ZBTB2: variants seen among roughly 807,000 people sequenced by gnomAD.
ZBTB2 encodes the protein zinc finger and BTB domain containing 2, also known as zinc finger and BTB domain-containing protein 2.
ZBTB2 carries 2 observed loss-of-function variants against 39.5 expected under a neutral mutation model. That is an observed-to-expected ratio of 0.05 (90% confidence interval 0.02 to 0.16). The LOEUF (loss-of-function observed/expected upper bound fraction) is 0.16, where lower values mean the gene tolerates loss of function less well. Among genes scored for constraint, ZBTB2 ranks in the 10% least tolerant of loss-of-function variants. The pLI, the probability that ZBTB2 is intolerant of heterozygous loss-of-function variation, is 1.00. For missense variants in ZBTB2, 391 were observed against 653.0 expected (o/e 0.60, Z 4.37); for synonymous variants, 251 against 256.6 (o/e 0.98, Z 0.21).
At chr6:151,379,657 A>G (rs918433348) in intron 1 of ZBTB2, among the ~76,000 whole-genome samples, 18 of 151,002 alleles carry the variant, frequency 1.2e-4, no homozygotes, top group African/African-American at 3.1e-4. Context: ...AAAAAAAAAA[A>G]AAAGAAAAAA....
Position 151,386,350 on chromosome 6 carries a change from G to A in ZBTB2, c.-13+5070C>T, listed in dbSNP as rs1474808170. 3.9e-5 allele frequency among the ~76,000 whole-genome samples: 6 copies of A among 152,282 alleles called. No homozygotes were observed. In the East Asian group the frequency reaches 5.8e-4, roughly 15 times the overall value. ...ACTTGAGCCCCGGAGACCAGCCTGC[G>A]CAACATGACGAGACCCTGTCTCTAT... On this transcript the variant is annotated intron_variant, in intron 1 of 2. Transcript: ENST00000325144.
intron 1 of ZBTB2, among the ~76,000 whole-genome samples, chr6:151,387,131 C>A (rs867077760): frequency 3.9e-5 from 6 of 152,142 alleles, no homozygotes; most frequent in African/African-American, 1.2e-4. Flanking sequence ...TGTGGACAGT[C>A]CTCTTTTATA....
At chr6:151,369,833 C>A (rs149892922) in intron 2 of ZBTB2, among the ~76,000 whole-genome samples, 1 of 152,110 alleles carries the variant, frequency 6.6e-6, no homozygotes, top group East Asian at 1.9e-4. Context: ...ATTAGCCGGG[C>A]GTGGTGGTGC....
intron 2 of ZBTB2, among the ~76,000 whole-genome samples, chr6:151,368,631 T>A (rs970725354): frequency 6.6e-6 from 1 of 151,648 alleles, no homozygotes; most frequent in East Asian, 1.9e-4. Flanking sequence ...TTTTTGTGTA[T>A]TTAGTAGGGA....
intron 2 of ZBTB2, among the ~76,000 whole-genome samples, chr6:151,369,666 C>T (rs1778738741): frequency 6.6e-6 from 1 of 151,868 alleles, no homozygotes; most frequent in Admixed American, 6.6e-5. Context: ...CACATGTGCA[C>T]ACATACACTT....
intron 1 of ZBTB2, among the ~76,000 whole-genome samples, chr6:151,377,091 T>C (rs1418506730): frequency 3.3e-5 from 5 of 150,314 alleles, no homozygotes; most frequent in African/African-American, 1.2e-4. Flanking sequence ...AAATATCATA[T>C]ACTGTATGAT....
intron 2 of ZBTB2, among the ~76,000 whole-genome samples, chr6:151,371,698 C>T (rs113882595): frequency 2.0e-5 from 3 of 152,108 alleles, no homozygotes; most frequent in Non-Finnish European, 4.4e-5. Flanking sequence ...TGGGCATCCC[C>T]GGGGTTTCTG....
chr6:151,376,147 C>A (rs1778903572), intron 1 of ZBTB2, among the ~76,000 whole-genome samples: 1 of 152,164 alleles, frequency 6.6e-6, no homozygotes, highest in Non-Finnish European at 1.5e-5. Flanking sequence ...AGAAAAAAGA[C>A]AAAGAACTTT....
intron 1 of ZBTB2, among the ~76,000 whole-genome samples, chr6:151,375,170 G>A (rs981931481): frequency 3.3e-5 from 5 of 151,846 alleles, no homozygotes; most frequent in Non-Finnish European, 1.5e-5. Context: ...ACTAATAAAC[G>A]AGTTTGGCAA....
intron 2 of ZBTB2, among the ~76,000 whole-genome samples, chr6:151,371,430 G>A (rs908672813): frequency 3.9e-5 from 6 of 152,212 alleles, no homozygotes; most frequent in South Asian, 2.1e-4. Flanking sequence ...AAGCGAGGAC[G>A]TGGTCACTGT....
chr6:151,373,870 A>AAAAC (rs1554336608), intron 1 of ZBTB2, among the ~76,000 whole-genome samples: 1,746 of 123,574 alleles, frequency 0.014, 44 homozygotes, highest in Middle Eastern at 0.058. Flanking sequence ...AAAAAAAAAA[A>AAAAC]AAAAAAACCA....
At chr6:151,385,341 A>G (rs941134260) in intron 1 of ZBTB2, among the ~76,000 whole-genome samples, 3 of 152,236 alleles carry the variant, frequency 2.0e-5, no homozygotes, top group Non-Finnish European at 2.9e-5. Flanking sequence ...TTCCTCCTTG[A>G]TAACAGGACA....
chr6:151,373,865 A>AAAAAAAC (rs1562766556), intron 1 of ZBTB2, among the ~76,000 whole-genome samples: 21 of 112,202 alleles, frequency 1.9e-4, no homozygotes, highest in South Asian at 2.9e-4. Context: ...AAAAAAAAAA[A>AAAAAAAC]AAAAAAAAAA....
chr6:151,371,430 G>T (rs908672813), intron 2 of ZBTB2, among the ~76,000 whole-genome samples: 1 of 152,212 alleles, frequency 6.6e-6, no homozygotes, highest in Non-Finnish European at 1.5e-5. Context: ...AAGCGAGGAC[G>T]TGGTCACTGT....
chr6:151,384,590 C>A (rs530822668), intron 1 of ZBTB2, among the ~76,000 whole-genome samples: 202 of 152,314 alleles, frequency 1.3e-3, no homozygotes, highest in African/African-American at 4.7e-3. Flanking sequence ...TCCTAGACTT[C>A]TTATTTGTAT....
intron 1 of ZBTB2, among the ~76,000 whole-genome samples, chr6:151,386,158 A>G (rs1329772729): frequency 6.6e-6 from 1 of 152,226 alleles, no homozygotes; most frequent in East Asian, 1.9e-4. Flanking sequence ...TTTATGGCTA[A>G]TAACGAGTTC....
chr6:151,372,479 C>CA (rs1224358386), intron 2 of ZBTB2, among the ~76,000 whole-genome samples: 1 of 151,872 alleles, frequency 6.6e-6, no homozygotes, highest in African/African-American at 2.4e-5. Context: ...GTGCTGATCC[C>CA]ACATGGGCTG....
Position 151,365,335 on chromosome 6 carries a change from T to C in ZBTB2, c.*186A>G. ...CCAATATCCCCTGAAAGAAAGTCGATACATTCCAGGTTTATAATGCACAAA... is the reference window on the plus strand; with the variant it reads ...CCAATATCCCCTGAAAGAAAGTCGACACATTCCAGGTTTATAATGCACAAA... On this transcript the variant is annotated 3_prime_UTR_variant, in exon 3 of 3. Coordinates refer to ENST00000325144, the MANE Select transcript of ZBTB2 (RefSeq NM_020861.3). The surrounding 1 kb of genome is among the most constrained non-coding windows in gnomAD (Gnocchi z 5.6). 2 of 636,258 alleles carry C rather than the reference T, an allele frequency of 3.1e-6. No homozygotes were observed. Among genetic ancestry groups the C allele is most frequent in the Non-Finnish European group, 2.6e-6 (1 of 382,132 alleles). The allele number at this position is 636,258 out of a possible 1,614,324, so 39.4% of individuals were successfully genotyped here. A position where few individuals can be genotyped will look rare whatever the true frequency, so the allele number is the denominator to read the frequency against.
At chr6:151,380,624 C>A (rs578085801) in intron 1 of ZBTB2, among the ~76,000 whole-genome samples, 2,497 of 152,264 alleles carry the variant, frequency 0.016, 61 homozygotes, top group African/African-American at 0.057. Context: ...CTCAGGGACT[C>A]AGTGGCTTAC....
Sources: allele counts gnomAD v4.1 joint callset (sites outside exome capture counted in the v4.1 genomes callset), GRCh38; gene constraint gnomAD v4.1.1; non-coding constraint Gnocchi (gnomAD v3.1); transcripts MANE v1.5; gene names NCBI Gene and HGNC (gene_info 2026-07-23, HGNC 2026-07-21).